The following LCORL variants were observed in gnomAD, a reference collection of about 807,000 sequenced individuals.
LCORL encodes ligand dependent nuclear receptor corepressor like.
A neutral mutation model predicts 141.8 loss-of-function variants in LCORL; 41 were observed. That is an observed-to-expected ratio of 0.29 (90% CI 0.23 to 0.38). LCORL has a LOEUF of 0.38. Among genes scored for constraint, LCORL ranks in the 10% least tolerant of loss-of-function variants. LCORL has a pLI of 1.00. For synonymous variants in LCORL, 618 were observed against 694.1 expected, an observed-to-expected ratio of 0.89 and a Z score of 1.72; for missense variants, 1,759 against 2,035.0, an observed-to-expected ratio of 0.86 and a Z score of 2.61.
intron 1 of LCORL, among the ~76,000 whole-genome samples, chr4:17,987,193 GGTCT>G (rs1458384485): frequency 6.6e-6 from 1 of 151,892 alleles, no homozygotes; most frequent in Non-Finnish European, 1.5e-5. Flanking sequence ...AAATGATGTG[GGTCT>G]GTATTTCTTG....
chr4:17,872,560 G>A (rs1325584528), intron 7 of LCORL, among the ~76,000 whole-genome samples: 3 of 152,148 alleles, frequency 2.0e-5, no homozygotes, highest in Non-Finnish European at 2.9e-5. Context: ...AGCTTGTAGG[G>A]TCCCTGAGTC....
chr4:17,873,729 G>A, exon 7 of LCORL: 7 of 1,233,808 alleles, frequency 5.7e-6, no homozygotes, highest in Non-Finnish European at 7.1e-6. Context: ...ACTGTCAGTA[G>A]ATTCAGGAGA....
At chr4:17,886,614 A>G (rs1255930398) in intron 5 of LCORL, among the ~76,000 whole-genome samples, 2 of 152,086 alleles carry the variant, frequency 1.3e-5, no homozygotes, top group Non-Finnish European at 2.9e-5. Flanking sequence ...AGGACTAGCA[A>G]AAGGTAAACT....
intron 5 of LCORL, among the ~76,000 whole-genome samples, chr4:17,890,044 C>T (rs1242394012): frequency 6.6e-6 from 1 of 151,938 alleles, no homozygotes; most frequent in Non-Finnish European, 1.5e-5. Flanking sequence ...TCTCTGCAGT[C>T]TATCTTATTA....
chr4:17,884,225 A>G lies in LCORL; in HGVS notation c.776+1843T>C. The G allele has an allele frequency of 6.5e-7, 1 of 1,550,096 alleles. No individual in the cohort carries two copies. The highest frequency in any genetic ancestry group is 1.2e-5 in the South Asian group (1 of 83,910). On this transcript the variant is annotated intron_variant, in intron 6 of 7. Coordinates refer to ENST00000635767, the Ensembl canonical transcript of LCORL. This position sits in a 1 kb window ranked among gnomAD's most constrained non-coding sequence, Gnocchi z 4.4. ...AGAGGTTTTGGAAACTTGATACATA[A>G]CATCCAACAGACCAGAACCATCAGG...
chr4:17,969,943 T>G (rs1028827882), intron 2 of LCORL, among the ~76,000 whole-genome samples: 1 of 152,178 alleles, frequency 6.6e-6, no homozygotes, highest in Non-Finnish European at 1.5e-5. Flanking sequence ...ATGGCTATCA[T>G]TCCATCTGAC....
intron 5 of LCORL, among the ~76,000 whole-genome samples, chr4:17,888,099 T>C (rs890200120): frequency 6.6e-6 from 1 of 152,092 alleles, no homozygotes; most frequent in Non-Finnish European, 1.5e-5. Context: ...CTATAAGCTA[T>C]GTGAAGGCAG....
chr4:17,887,702 C>T (rs1207966735), intron 5 of LCORL, among the ~76,000 whole-genome samples: 1 of 152,112 alleles, frequency 6.6e-6, no homozygotes, highest in Admixed American at 6.6e-5. Context: ...GACAGGAAGC[C>T]ACTGGAGAAT....
intron 1 of LCORL, among the ~76,000 whole-genome samples, chr4:18,002,230 A>C (rs1192761709): frequency 6.6e-6 from 1 of 152,352 alleles, no homozygotes; most frequent in Non-Finnish European, 1.5e-5. Context: ...ACCACTGTTC[A>C]GCATATGCTA....
At chr4:17,859,526 T>G (rs1331334293) in intron 7 of LCORL, among the ~76,000 whole-genome samples, 3 of 152,092 alleles carry the variant, frequency 2.0e-5, no homozygotes, top group African/African-American at 7.2e-5. Context: ...TTCATTCAGG[T>G]AGAAGGAAAG....
chr4:17,998,087 T>C (rs1467106410), intron 1 of LCORL, among the ~76,000 whole-genome samples: 3 of 152,146 alleles, frequency 2.0e-5, no homozygotes, highest in African/African-American at 7.2e-5. Flanking sequence ...CTGTAGGCAA[T>C]TGTATTTGTA....
intron 5 of LCORL, among the ~76,000 whole-genome samples, chr4:17,894,112 T>C (rs573886857): frequency 1.3e-5 from 2 of 152,294 alleles, no homozygotes; most frequent in African/African-American, 2.4e-5. Flanking sequence ...GTCTCTAATT[T>C]AGGGCAGCAC....
rs148169994 is a variant in LCORL at position 17,974,322 on chromosome 4, ACTT to A, written c.155-1440_155-1438del. ...AGCTTTCTTTACTGCATTTTAGTTA[ACTT>A]CTTCTACTATCTATTCCACTTCATG... On this transcript the variant is annotated intron_variant, in intron 1 of 7. Transcript: ENST00000635767. 1.9e-4 allele frequency among the ~76,000 whole-genome samples: 29 copies of A among 152,174 alleles called. No individual in the cohort carries two copies. In the East Asian group the frequency reaches 4.6e-3, roughly 24 times the overall value.
chr4:17,903,067 C>T (rs923209753), intron 5 of LCORL, among the ~76,000 whole-genome samples: 4 of 151,976 alleles, frequency 2.6e-5, no homozygotes, highest in Admixed American at 1.3e-4. Flanking sequence ...ACTGCAGAAA[C>T]GCCCTAAATG....
intron 4 of LCORL, among the ~76,000 whole-genome samples, chr4:17,961,020 T>C (rs947855050): frequency 2.0e-5 from 3 of 152,166 alleles, no homozygotes; most frequent in Admixed American, 1.3e-4. Context: ...TTAAACATTA[T>C]TGATTTAAAC....
chr4:17,969,904 G>C (rs1715607971), intron 2 of LCORL, among the ~76,000 whole-genome samples: 1 of 152,096 alleles, frequency 6.6e-6, no homozygotes, highest in South Asian at 2.1e-4. Flanking sequence ...GTACATTTTG[G>C]AGTCTCCACC....
chr4:17,912,120 CG>C, intron 4 of LCORL: 1 of 862,444 alleles, frequency 1.2e-6, no homozygotes, highest in Non-Finnish European at 2.0e-6. Context: ...CTCAAATTTT[CG>C]CAAATACTGT....
chr4:17,947,785 C>T (rs575093240), intron 4 of LCORL, among the ~76,000 whole-genome samples: 1 of 151,898 alleles, frequency 6.6e-6, no homozygotes, highest in Admixed American at 6.6e-5. Flanking sequence ...CAGATACCCA[C>T]GTGATATAGG....
chr4:18,005,222 A>C (rs958575935), intron 1 of LCORL, among the ~76,000 whole-genome samples: 1 of 152,156 alleles, frequency 6.6e-6, no homozygotes, highest in African/African-American at 2.4e-5. Flanking sequence ...CCTGGCTAGC[A>C]GTCAAATTTT....
Sources: gnomAD v4.1 joint callset for allele counts (sites outside exome capture counted in the v4.1 genomes callset) on GRCh38, gnomAD v4.1.1 for gene constraint, Gnocchi (gnomAD v3.1) non-coding constraint, MANE v1.5 for transcripts, NCBI Gene and HGNC (gene_info 2026-07-23, HGNC 2026-07-21) for gene names.